ZNF518A: variants seen among roughly 807,000 people sequenced by gnomAD.
The protein encoded by ZNF518A is zinc finger protein 518.
ZNF518A carries 47 observed loss-of-function variants against 102.7 expected under a neutral mutation model. The ratio of observed to expected loss-of-function variants is 0.46; its 90% confidence interval spans 0.36 to 0.58. The LOEUF (loss-of-function observed/expected upper bound fraction) is 0.58. Among genes scored for constraint, ZNF518A ranks in the 20% least tolerant of loss-of-function variants. The pLI is 0.00. For missense variants in ZNF518A, 1,793 were observed against 1,699.8 expected (o/e 1.05, Z -0.96); for synonymous variants, 652 against 594.6 (o/e 1.10, Z -1.40).
rs966724414 is a variant in ZNF518A, at chr10:96,158,117, G to A, written c.1795G>A (p.Asp599Asn). 16 of 1,613,416 alleles carry A rather than the reference G, an allele frequency of 9.9e-6. No homozygotes were observed. Among genetic ancestry groups the A allele is most frequent in the Admixed American group, 1.7e-5 (1 of 59,902 alleles). The change falls in exon 6 of 6, where the codon GAT becomes AAT. Residue 599 changes from aspartate (D) to asparagine (N), a missense_variant. By Grantham distance (23) the Asp-to-Asn change is conservative. Coordinates refer to ENST00000316045, the MANE Select transcript of ZNF518A (RefSeq NM_001330736.2). The part of the protein sequence containing the change: ...EVLGTTIKSP[D>N]KVNCVAKPNA... ...ATTAGGTACCACCATTAAAAGTCCA[G>A]ATAAAGTCAACTGTGTTGCCAAACC...
chr10:96,175,463 A>C (rs112257140), intron 1 of ZNF518A, among the ~76,000 whole-genome samples: 15 of 152,278 alleles, frequency 9.9e-5, no homozygotes, highest in African/African-American at 3.1e-4. Flanking sequence ...CTTCTGGATA[A>C]GATGCTGACG....
chr10:96,194,768 ATTTT>A (rs71034364), intron 1 of ZNF518A, among the ~76,000 whole-genome samples: 1 of 110,286 alleles, frequency 9.1e-6, no homozygotes. Context: ...AGAAATGCAA[ATTTT>A]TTTTTTTTTT....
At chr10:96,164,731 A>G (rs1445938368), downstream of ZNF518A, among the ~76,000 whole-genome samples, 1 of 152,224 alleles carries the variant, frequency 6.6e-6, no homozygotes, top group Non-Finnish European at 1.5e-5. Context: ...ATGTACATCA[A>G]TTTTAGAAGT....
intron 1 of ZNF518A, among the ~76,000 whole-genome samples, chr10:96,194,088 C>T (rs903221117): frequency 4.6e-5 from 7 of 152,142 alleles, no homozygotes; most frequent in Admixed American, 1.3e-4. Flanking sequence ...GAAGATTCAT[C>T]AGGCCAAGAG....
intron 1 of ZNF518A, among the ~76,000 whole-genome samples, chr10:96,202,884 G>A (rs1294239777): frequency 6.6e-6 from 1 of 152,158 alleles, no homozygotes; most frequent in African/African-American, 2.4e-5. Context: ...AGCTCTTTGT[G>A]GAATGAGCTA....
At chr10:96,187,457 T>C (rs1380233637) in intron 1 of ZNF518A, among the ~76,000 whole-genome samples, 3 of 152,376 alleles carry the variant, frequency 2.0e-5, no homozygotes, top group African/African-American at 7.2e-5. Flanking sequence ...CGCTGAATTC[T>C]GTTCTCTGGG....
At chr10:96,167,402 C>T (rs1187624684), downstream of ZNF518A, among the ~76,000 whole-genome samples, 1 of 152,076 alleles carries the variant, frequency 6.6e-6, no homozygotes, top group African/African-American at 2.4e-5. Flanking sequence ...TGCAGTGAGC[C>T]GAGATTGCGC....
intron 3 of ZNF518A, among the ~76,000 whole-genome samples, chr10:96,152,468 C>T (rs1284509408): frequency 2.6e-5 from 4 of 152,152 alleles, no homozygotes; most frequent in African/African-American, 9.7e-5. Flanking sequence ...TTTGTCCATA[C>T]GTGGCAACCT....
chr10:96,201,738 G>A (rs11594862), intron 1 of ZNF518A, among the ~76,000 whole-genome samples: 83 of 138,706 alleles, frequency 6.0e-4, no homozygotes, highest in African/African-American at 1.3e-3. Flanking sequence ...AGACTTATCT[G>A]CATTCATTCA....
intron 3 of ZNF518A, among the ~76,000 whole-genome samples, chr10:96,134,368 C>G (rs2081494542): frequency 6.6e-6 from 1 of 152,134 alleles, no homozygotes; most frequent in African/African-American, 2.4e-5. Context: ...GTAGCTGGGA[C>G]TATAGGCGCA....
chr10:96,196,181 AT>A (rs757880367), intron 1 of ZNF518A, among the ~76,000 whole-genome samples: 3 of 152,122 alleles, frequency 2.0e-5, no homozygotes, highest in South Asian at 2.1e-4. Flanking sequence ...TGTTCTTCCC[AT>A]TTTTCTCCTT....
At chr10:96,131,600 G>A (rs1471915399) in intron 1 of ZNF518A, among the ~76,000 whole-genome samples, 9 of 152,146 alleles carry the variant, frequency 5.9e-5, no homozygotes, top group African/African-American at 1.2e-4. Context: ...TAAAATGTAG[G>A]TATGTTACAC....
intron 1 of ZNF518A, among the ~76,000 whole-genome samples, chr10:96,184,710 C>G (rs587642567): frequency 1.3e-5 from 2 of 152,190 alleles, no homozygotes; most frequent in South Asian, 4.2e-4. Flanking sequence ...GGTAACCCGA[C>G]CTTTCTCTCT....
chr10:96,138,307 A>G (rs1367920649), intron 3 of ZNF518A, among the ~76,000 whole-genome samples: 3 of 152,214 alleles, frequency 2.0e-5, no homozygotes, highest in East Asian at 3.8e-4. Context: ...TACAGTTTCT[A>G]TCAGGGCCTG....
At chr10:96,168,677 A>C (rs1392358554), downstream of ZNF518A, among the ~76,000 whole-genome samples, 1 of 152,152 alleles carries the variant, frequency 6.6e-6, no homozygotes, top group Non-Finnish European at 1.5e-5. Context: ...CTAATATGTC[A>C]TCCCATTGCC....
chr10:96,132,404 A>C (rs1354696182), intron 1 of ZNF518A, among the ~76,000 whole-genome samples, 182 bp from the exon 2 acceptor site: 1 of 151,124 alleles, frequency 6.6e-6, no homozygotes, highest in African/African-American at 2.4e-5. Context: ...TTAGGTTGTG[A>C]CTTTTGCAAA....
At chr10:96,179,329 G>A (rs1159992852) in intron 1 of ZNF518A, among the ~76,000 whole-genome samples, 1 of 151,976 alleles carries the variant, frequency 6.6e-6, no homozygotes, top group Non-Finnish European at 1.5e-5. Context: ...AATAGACAAA[G>A]GAACAGATTC....
At position 96,156,883 on chromosome 10, in the gene ZNF518A, A is replaced by G. The variant is rs1554882834; in HGVS notation, c.561A>G (p.Val187=). 1.9e-6 allele frequency: 3 copies of G among 1,613,744 alleles called. No homozygotes were observed. The highest frequency in any genetic ancestry group is 1.7e-5 in the Admixed American group (1 of 60,014). Reference sequence around the variant, plus strand: ...GTGACATTTGTAACAATGAGAGTGTATATACTTTACTGAACTTGACAAAGC... The same window carrying G: ...GTGACATTTGTAACAATGAGAGTGTGTATACTTTACTGAACTTGACAAAGC... ...VKCDICNNES[V]YTLLNLTKHF... Residue 187 remains valine (V), a synonymous_variant, in exon 6 of 6, where the codon GTA becomes GTG. Transcript: ENST00000316045.
intron 1 of ZNF518A, among the ~76,000 whole-genome samples, chr10:96,195,246 G>T (rs2083436496): frequency 6.6e-6 from 1 of 152,188 alleles, no homozygotes; most frequent in African/African-American, 2.4e-5. Context: ...ATGGAAAAAA[G>T]TATGGGAGGT....
Sources: allele counts gnomAD v4.1 joint callset (sites outside exome capture counted in the v4.1 genomes callset), GRCh38; gene constraint gnomAD v4.1.1; transcripts MANE v1.5; gene names NCBI Gene and HGNC (gene_info 2026-07-23, HGNC 2026-07-21).